Variants in ADARB2 observed in about 807,000 individuals in gnomAD.
The protein encoded by ADARB2 is adenosine deaminase RNA specific B2 (inactive).
A neutral mutation model predicts 62.2 loss-of-function variants in ADARB2; 25 were observed. That is an observed-to-expected ratio of 0.40 (90% CI 0.29 to 0.56). The LOEUF (loss-of-function observed/expected upper bound fraction) is 0.56, where lower values mean the gene tolerates loss of function less well. ADARB2 is among the 20% of genes least tolerant of loss of function. The pLI is 0.43. For missense variants in ADARB2, 1,071 were observed against 1,077.4 expected, an observed-to-expected ratio of 0.99 and a Z score of 0.08; for synonymous variants, 572 against 500.8, an observed-to-expected ratio of 1.14 and a Z score of -1.90.
At chr10:1,544,333 C>T (rs578153681) in intron 1 of ADARB2, among the ~76,000 whole-genome samples, 4 of 152,196 alleles carry the variant, frequency 2.6e-5, no homozygotes, top group Non-Finnish European at 2.9e-5. Context: ...ATGAAGCCCC[C>T]GGGGGTGCGG....
chr10:1,242,721 C>T lies in ADARB2; in HGVS notation c.1193-422G>A, dbSNP rs950745074. On this transcript the variant is annotated intron_variant, in intron 4 of 9. Coordinates refer to ENST00000381312, the MANE Select transcript of ADARB2 (RefSeq NM_018702.4). ...CTTTGTGCTTTCTCCTGTCCTCCAA[C>T]GGGATCAGGGCAGGACAGGAGCTGA... Among the ~76,000 whole-genome samples the T allele has an allele frequency of 4.6e-5, 7 of 152,298 alleles. No homozygotes were observed. In the East Asian group the frequency reaches 9.7e-4, roughly 21 times the overall value.
chr10:1,651,468 G>C (rs146505220), intron 1 of ADARB2, among the ~76,000 whole-genome samples: 2 of 152,342 alleles, frequency 1.3e-5, no homozygotes, highest in African/African-American at 4.8e-5. Flanking sequence ...ACCTGCCATG[G>C]CCAGGGCCAA....
In ADARB2 at chr10:1,518,158, C is replaced by T. The variant is rs149439685; in HGVS notation, c.101-138998G>A. 1.1e-3 allele frequency among the ~76,000 whole-genome samples: 175 copies of T among 152,294 alleles called. 1 individual carries two copies. Among genetic ancestry groups the T allele is most frequent in the Non-Finnish European group, 1.6e-3 (111 of 68,014 alleles). ...GCTCCAGCAGCGAGAGCGATGGATC[C>T]GAAACTCCCCGATCAGATCAGAAGA... On this transcript the variant is annotated intron_variant, in intron 1 of 9. Coordinates refer to ENST00000381312, the MANE Select transcript of ADARB2 (RefSeq NM_018702.4).
intron 1 of ADARB2, among the ~76,000 whole-genome samples, chr10:1,406,758 C>T (rs1485023080): frequency 6.6e-6 from 1 of 152,186 alleles, no homozygotes; most frequent in Non-Finnish European, 1.5e-5. Context: ...TCGATGACAC[C>T]AACGCCCTTT....
At chr10:1,299,298 T>C (rs2387647) in intron 3 of ADARB2, among the ~76,000 whole-genome samples, 66,588 of 151,476 alleles carry the variant, frequency 0.44, 16,236 homozygotes, top group East Asian at 0.69. Flanking sequence ...CCAGTGTGCG[T>C]AGAGTGTGAG....
At chr10:1,328,387 T>C (rs974843936) in intron 3 of ADARB2, among the ~76,000 whole-genome samples, 2 of 152,068 alleles carry the variant, frequency 1.3e-5, no homozygotes, top group Non-Finnish European at 2.9e-5. Flanking sequence ...GGTGGAAAAG[T>C]GGGTTTAGAA....
intron 1 of ADARB2, among the ~76,000 whole-genome samples, chr10:1,563,114 C>T (rs1475127031): frequency 6.6e-6 from 1 of 151,928 alleles, no homozygotes; most frequent in Non-Finnish European, 1.5e-5. Flanking sequence ...CGTGGTCTCC[C>T]TAAGGTGCTG....
At chr10:1,419,789 G>A (rs12572001) in intron 1 of ADARB2, among the ~76,000 whole-genome samples, 2,196 of 152,308 alleles carry the variant, frequency 0.014, 115 homozygotes, top group East Asian at 0.12. Context: ...CTAAGCGCTT[G>A]TTAGCTTTTC....
At chr10:1,582,859 C>G (rs1833124594) in intron 1 of ADARB2, among the ~76,000 whole-genome samples, 1 of 152,198 alleles carries the variant, frequency 6.6e-6, no homozygotes, top group Non-Finnish European at 1.5e-5. Flanking sequence ...ATTTCATAAT[C>G]ATGGTGCCTC....
chr10:1,322,069 AC>A (rs1428144216), intron 3 of ADARB2, among the ~76,000 whole-genome samples: 30 of 152,082 alleles, frequency 2.0e-4, no homozygotes, highest in Admixed American at 2.0e-3. Context: ...CTCAGGAGAC[AC>A]CAGTTGGTAC....
chr10:1,454,334 G>A (rs545706048), intron 1 of ADARB2, among the ~76,000 whole-genome samples: 1 of 152,272 alleles, frequency 6.6e-6, no homozygotes, highest in South Asian at 2.1e-4. Flanking sequence ...GGAACACAGA[G>A]CCAAACCATA....
rs545804692 is a variant in ADARB2, at chr10:1,688,286, G to A, written c.100+48765C>T. Reference sequence around the variant, plus strand: ...CCTGGCTGCACCCTTGGCCAGGGCTGGGACCCCAGTGGGAGCTGCAGCCTT... The same window carrying A: ...CCTGGCTGCACCCTTGGCCAGGGCTAGGACCCCAGTGGGAGCTGCAGCCTT... On this transcript the variant is annotated intron_variant, in intron 1 of 9. Transcript: ENST00000381312. Among the ~76,000 whole-genome samples the A allele has an allele frequency of 2.6e-5, 4 of 152,332 alleles. No homozygotes were observed. In the South Asian group the frequency reaches 8.3e-4, roughly 32 times the overall value.
chr10:1,523,050 ACAT>A (rs1245797371), intron 1 of ADARB2, among the ~76,000 whole-genome samples: 2 of 152,210 alleles, frequency 1.3e-5, no homozygotes, highest in African/African-American at 2.4e-5. Flanking sequence ...CTGCTTGGTG[ACAT>A]CATCCTTTTG....
chr10:1,253,779 G>C (rs935221759), intron 4 of ADARB2, among the ~76,000 whole-genome samples: 1 of 152,330 alleles, frequency 6.6e-6, no homozygotes, highest in East Asian at 1.9e-4. Context: ...TGGACTAGAA[G>C]GTGTGTAACC....
intron 8 of ADARB2, 22 bp downstream of exon 8, chr10:1,199,944 C>T (rs767622209): frequency 5.4e-6 from 8 of 1,492,556 alleles, no homozygotes; most frequent in South Asian, 1.4e-5. Flanking sequence ...AGGTGGAGGG[C>T]CCCCGGGAAG....
chr10:1,581,453 G>T (rs918170039), intron 1 of ADARB2, among the ~76,000 whole-genome samples: 7 of 152,206 alleles, frequency 4.6e-5, no homozygotes, highest in Non-Finnish European at 1.0e-4. Flanking sequence ...CAACAGTGGA[G>T]CCTGGGCCCT....
chr10:1,577,914 A>G (rs2131998169), intron 1 of ADARB2, among the ~76,000 whole-genome samples: 1 of 152,298 alleles, frequency 6.6e-6, no homozygotes, highest in African/African-American at 2.4e-5. Context: ...CACAGACACA[A>G]CCAGAGGGAC....
chr10:1,301,075 C>T (rs533147539), intron 3 of ADARB2, among the ~76,000 whole-genome samples: 5 of 152,130 alleles, frequency 3.3e-5, no homozygotes, highest in Non-Finnish European at 7.4e-5. Context: ...GGCACATAAG[C>T]ACTGGTCAGA....
chr10:1,674,426 T>C (rs1200929538), intron 1 of ADARB2, among the ~76,000 whole-genome samples: 1 of 152,212 alleles, frequency 6.6e-6, no homozygotes, highest in Admixed American at 6.5e-5. Flanking sequence ...ACTGAGATTT[T>C]CAATAGGAGC....
Sources: gnomAD v4.1 joint callset for allele counts (sites outside exome capture counted in the v4.1 genomes callset) on GRCh38, gnomAD v4.1.1 for gene constraint, MANE v1.5 for transcripts, NCBI Gene and HGNC (gene_info 2026-07-23, HGNC 2026-07-21) for gene names.